Variants in CARMIL1 observed in about 807,000 individuals in gnomAD.
The protein encoded by CARMIL1 is F-actin-uncapping protein LRRC16A.
CARMIL1 carries 90 observed loss-of-function variants against 177.1 expected under a neutral mutation model. That is an observed-to-expected ratio of 0.51 (90% CI 0.43 to 0.61). The LOEUF (loss-of-function observed/expected upper bound fraction) is 0.61, where lower values mean the gene tolerates loss of function less well. Among genes scored for constraint, CARMIL1 ranks in the 20% least tolerant of loss-of-function variants. The probability of loss-of-function intolerance (pLI) is 0.00; values close to 1 mark genes in which losing one functional copy is unlikely to be tolerated. For synonymous variants in CARMIL1, 577 were observed against 606.2 expected (o/e 0.95, Z 0.71); for missense variants, 1,380 against 1,667.0 (o/e 0.83, Z 3.00).
In CARMIL1 at chr6:25,554,151, C is replaced by A; in HGVS notation, c.2592+55C>A. On this transcript the variant is annotated intron_variant, in intron 28 of 36. Transcript: ENST00000329474. The surrounding 1 kb of genome is among the most constrained non-coding windows in gnomAD (Gnocchi z 4.6). ...CTCCTGTTTCAGCTCTGCTGTGATG[C>A]AGGATGACTTCCGGTGTGGGGATGT... 1 of 1,202,240 alleles carries A rather than the reference C, an allele frequency of 8.3e-7. No individual in the cohort carries two copies. The highest frequency in any genetic ancestry group is 1.2e-6 in the Non-Finnish European group (1 of 826,662). The allele number at this position is 1,202,240 out of a possible 1,614,324, so 74.5% of individuals were successfully genotyped here. A position where few individuals can be genotyped will look rare whatever the true frequency, so the allele number is the denominator to read the frequency against.
At chr6:25,556,629 T>A (rs1810624068) in intron 28 of CARMIL1, 72 bp from the exon 29 acceptor site, 1 of 1,447,066 alleles carries the variant, frequency 6.9e-7, no homozygotes, top group East Asian at 2.4e-5. Context: ...GTGGAAGACG[T>A]CTTCAGGAAT....
At chr6:25,296,671 A>G (rs893773884) in intron 2 of CARMIL1, among the ~76,000 whole-genome samples, 2 of 150,584 alleles carry the variant, frequency 1.3e-5, no homozygotes, top group Non-Finnish European at 3.0e-5. Context: ...AGGTGTGGCC[A>G]GGAGAAGTCC....
intron 2 of CARMIL1, among the ~76,000 whole-genome samples, chr6:25,304,257 T>C (rs547568191): frequency 6.6e-6 from 1 of 152,322 alleles, no homozygotes; most frequent in Admixed American, 6.5e-5. Flanking sequence ...TGTCCACTCA[T>C]AGAATGTGCT....
At chr6:25,464,533 C>T (rs1371014738) in intron 8 of CARMIL1, among the ~76,000 whole-genome samples, 6 of 152,112 alleles carry the variant, frequency 3.9e-5, no homozygotes, top group Admixed American at 1.3e-4. Flanking sequence ...GACTTCTTTC[C>T]ACCTTCTGCC....
chr6:25,537,148 G>A (rs891429259), intron 24 of CARMIL1, among the ~76,000 whole-genome samples: 7 of 152,044 alleles, frequency 4.6e-5, no homozygotes, highest in African/African-American at 9.7e-5. Context: ...GTTTATATCC[G>A]TAAAACAATT....
chr6:25,292,649 G>A (rs867533452), intron 2 of CARMIL1, among the ~76,000 whole-genome samples: 1 of 152,148 alleles, frequency 6.6e-6, no homozygotes, highest in Non-Finnish European at 1.5e-5. Flanking sequence ...GTTAGGATAG[G>A]CGAGTCAAAT....
chr6:25,471,116 A>T, intron 9 of CARMIL1, 53 bp from the exon 10 acceptor site: 1 of 1,197,552 alleles, frequency 8.4e-7, no homozygotes, highest in Non-Finnish European at 1.2e-6. Context: ...TATAACAATA[A>T]AGTTTTTCTT....
At chr6:25,340,515 A>C (rs1369952306) in intron 2 of CARMIL1, among the ~76,000 whole-genome samples, 1 of 152,198 alleles carries the variant, frequency 6.6e-6, no homozygotes, top group African/African-American at 2.4e-5. Context: ...ATGACACTTA[A>C]AGAGACCAAA....
At chr6:25,607,513 C>T (rs538360670) in intron 35 of CARMIL1, among the ~76,000 whole-genome samples, 36 of 152,240 alleles carry the variant, frequency 2.4e-4, no homozygotes, top group Non-Finnish European at 3.8e-4. Context: ...TGCCAAGTCA[C>T]GCAGCTGGTG....
rs565080272 is a variant in CARMIL1, at chr6:25,597,182, C to T, written c.3119+2655C>T. ...TGAAGGAGGCTGACTCACTTCATAACAACCCACTCTCTCAAGAATGTATCC... is the reference window on the plus strand; with the variant it reads ...TGAAGGAGGCTGACTCACTTCATAATAACCCACTCTCTCAAGAATGTATCC... On this transcript the variant is annotated intron_variant, in intron 32 of 36. Coordinates refer to ENST00000329474, the MANE Select transcript of CARMIL1 (RefSeq NM_017640.6). 2.9e-4 allele frequency among the ~76,000 whole-genome samples: 44 copies of T among 152,226 alleles called. 1 individual carries two copies. In the East Asian group the frequency reaches 8.3e-3, roughly 29 times the overall value.
At chr6:25,589,199 ATTAT>A (rs1376181164) in intron 31 of CARMIL1, among the ~76,000 whole-genome samples, 2 of 152,208 alleles carry the variant, frequency 1.3e-5, no homozygotes, top group African/African-American at 4.8e-5. Flanking sequence ...TAAAGCTCTA[ATTAT>A]TAGCAAATTA....
intron 29 of CARMIL1, 96 bp downstream of exon 29, chr6:25,556,946 C>G: frequency 8.1e-7 from 1 of 1,235,880 alleles, no homozygotes; most frequent in African/African-American, 1.6e-5. Flanking sequence ...GAAATCAGAC[C>G]AAACAAAACA....
chr6:25,516,518 T>C (rs958827031), intron 21 of CARMIL1, among the ~76,000 whole-genome samples: 1 of 152,140 alleles, frequency 6.6e-6, no homozygotes, highest in African/African-American at 2.4e-5. Flanking sequence ...TTCTCCGGCA[T>C]AAAAGTCTAA....
intron 2 of CARMIL1, among the ~76,000 whole-genome samples, chr6:25,307,773 T>C (rs1267189578): frequency 6.6e-6 from 1 of 152,258 alleles, no homozygotes; most frequent in African/African-American, 2.4e-5. Flanking sequence ...TTATTTTGTT[T>C]AGATACTGCT....
chr6:25,482,363 C>T lies in CARMIL1; in HGVS notation c.961+20C>T, dbSNP rs1278235420. The T allele has an allele frequency of 8.3e-7, 1 of 1,198,296 alleles. No homozygotes were observed. The highest frequency in any genetic ancestry group is 1.2e-6 in the Non-Finnish European group (1 of 838,428). 74.2% of individuals were successfully genotyped at this position (1,198,296 alleles called of 1,614,324 possible). A position where few individuals can be genotyped will look rare whatever the true frequency, so the allele number is the denominator to read the frequency against. On this transcript the variant is annotated intron_variant, in intron 12 of 36. Transcript: ENST00000329474. ...CTAAAGGTACAGTATTTCTTATTTA[C>T]CTAAGAGTGTGTCTGAAATATTTCT...
intron 2 of CARMIL1, among the ~76,000 whole-genome samples, chr6:25,306,450 G>A (rs1253450725): frequency 6.6e-6 from 1 of 152,076 alleles, no homozygotes; most frequent in Non-Finnish European, 1.5e-5. Context: ...TCTAGTTGAT[G>A]CTCGATGATC....
At chr6:25,446,415 G>A (rs929209532) in intron 5 of CARMIL1, among the ~76,000 whole-genome samples, 1 of 152,140 alleles carries the variant, frequency 6.6e-6, no homozygotes, top group Admixed American at 6.5e-5. Flanking sequence ...GTACTTTTAC[G>A]TTATGGAGAC....
intron 8 of CARMIL1, chr6:25,451,985 T>TGGGGGGGGGGGGGGGGGGGGGGGGGGGG: frequency 9.5e-6 from 1 of 105,384 alleles, no homozygotes; most frequent in African/African-American, 7.4e-5. Flanking sequence ...ACTAGCATCT[T>TGGGGGGGGGGGGGGGGGGGGGGGGGGGG]GCCCCCCCCT....
chr6:25,499,149 T>C (rs569008200), intron 16 of CARMIL1, among the ~76,000 whole-genome samples: 1 of 152,292 alleles, frequency 6.6e-6, no homozygotes, highest in South Asian at 2.1e-4. Context: ...AATAATTCCC[T>C]ACCTTCCCAC....
Sources: allele counts gnomAD v4.1 joint callset (sites outside exome capture counted in the v4.1 genomes callset), GRCh38; gene constraint gnomAD v4.1.1; non-coding constraint Gnocchi (gnomAD v3.1); transcripts MANE v1.5; gene names NCBI Gene and HGNC (gene_info 2026-07-23, HGNC 2026-07-21).